The following LRRK1 variants were observed in gnomAD, a reference collection of about 807,000 sequenced individuals.
LRRK1 encodes the protein leucine rich repeat kinase 1, also known as leucine-rich repeat serine/threonine-protein kinase 1.
Under a neutral mutation model 209.1 loss-of-function variants are expected in LRRK1, and 113 were observed. The ratio of observed to expected loss-of-function variants is 0.54; its 90% confidence interval spans 0.46 to 0.63. The LOEUF is 0.63. Ranked by LOEUF, LRRK1 falls within the 30% of genes least tolerant of loss-of-function variation. The pLI is 0.00. For missense variants in LRRK1, 2,284 were observed against 2,632.2 expected, an observed-to-expected ratio of 0.87 and a Z score of 2.89; for synonymous variants, 1,144 against 1,099.7, an observed-to-expected ratio of 1.04 and a Z score of -0.80.
Position 100,941,444 on chromosome 15 carries a change from G to GTGCCTGTA in LRRK1, c.97+16716_97+16717insGCCTGTAT, listed in dbSNP as rs1567191149. On this transcript the variant is annotated intron_variant, in intron 2 of 33. Transcript: ENST00000388948. ...TGTGTGTGTCTGTGTGTGTGTGTGTGTCTGTGTGTGTCTATGTCTCTGTGT... is the reference window on the plus strand; with the variant it reads ...TGTGTGTGTCTGTGTGTGTGTGTGTGTGCCTGTATCTGTGTGTGTCTATGTCTCTGTGT... Among the ~76,000 whole-genome samples, 34 of 137,350 alleles carry GTGCCTGTA rather than the reference G, an allele frequency of 2.5e-4. 3 individuals are homozygous for GTGCCTGTA. Among genetic ancestry groups the GTGCCTGTA allele is most frequent in the African/African-American group, 9.3e-4 (31 of 33,356 alleles). 90.1% of individuals were successfully genotyped at this position (137,350 alleles called of 152,430 possible).
chr15:100,955,442 A>T (rs1412007268), intron 2 of LRRK1, among the ~76,000 whole-genome samples: 1 of 152,182 alleles, frequency 6.6e-6, no homozygotes, highest in Non-Finnish European at 1.5e-5. Flanking sequence ...TGTCATCTGC[A>T]AACAGAGACC....
chr15:100,988,658 T>G lies in LRRK1; in HGVS notation c.458T>G (p.Leu153Arg), dbSNP rs1400336345. The change falls in exon 5 of 34, where the codon CTG (leucine) becomes CGG (arginine). Residue 153 changes from leucine to arginine, a missense_variant. Around this residue, in one of 6 missense-constraint regions of LRRK1, gnomAD observed 134 missense variants for 191.7 expected, o/e 0.70. Coordinates refer to ENST00000388948, the MANE Select transcript of LRRK1 (RefSeq NM_024652.6). ...LPGPCSPQRL[L>R]NWMLALACQR... is the part of the protein sequence containing the mutation. The stretch of plus-strand genomic sequence containing the variant: ...GGTCCCTGCAGTCCCCAGCGGCTTC[T>G]GAACTGGATGCTGGCCTTGGCTTGC... 6.2e-7 allele frequency: 1 copy of G among 1,614,098 alleles called. No homozygotes were observed. Among genetic ancestry groups the G allele is most frequent in the Admixed American group, 1.7e-5 (1 of 60,006 alleles).
chr15:100,982,140 G>C (rs192327815), intron 3 of LRRK1, among the ~76,000 whole-genome samples: 1 of 151,916 alleles, frequency 6.6e-6, no homozygotes, highest in African/African-American at 2.4e-5. Flanking sequence ...GGGGGCACTC[G>C]CCATCCCTGT....
chr15:101,025,758 C>T (rs944724155), intron 16 of LRRK1, among the ~76,000 whole-genome samples: 9 of 152,194 alleles, frequency 5.9e-5, no homozygotes, highest in Admixed American at 2.6e-4. Flanking sequence ...CCCAACCTCC[C>T]GTCAGGCCTC....
At position 101,066,031 on chromosome 15, in the gene LRRK1, G is replaced by A; in HGVS notation, c.5594G>A (p.Ser1865Asn). The A allele has an allele frequency of 6.2e-7, 1 of 1,614,114 alleles. No individual in the cohort carries two copies. The highest frequency in any genetic ancestry group is 1.3e-5 in the African/African-American group (1 of 75,030). Residue 1865 changes from serine to asparagine, a missense_variant, in exon 32 of 34, where the codon AGT becomes AAT. Coordinates refer to ENST00000388948, the MANE Select transcript of LRRK1 (RefSeq NM_024652.6). Reference sequence around the variant, plus strand: ...TCAAGCCTCCCCAGCTCCCCAGCAAGTTCTTCCAGTGTGCCTTTCTCCACC... The same window carrying A: ...TCAAGCCTCCCCAGCTCCCCAGCAAATTCTTCCAGTGTGCCTTTCTCCACC... ...SPSSLPSSPA[S>N]SSSVPFSTDC...
rs183416806 is a variant in LRRK1, at chr15:101,017,719, A to T, written c.1609+2317A>T. Among the ~76,000 whole-genome samples, 192 of 152,286 alleles carry T rather than the reference A, an allele frequency of 1.3e-3. 2 individuals are homozygous for T. The highest frequency in any genetic ancestry group is 5.8e-3 in the South Asian group (28 of 4,820). On this transcript the variant is annotated intron_variant, in intron 12 of 33. Transcript: ENST00000388948. ...CCCTCACCAATGCTGCAGTCCATGGAAAAATTGTCTTCCACAAAACCGGTC... is the reference window on the plus strand; with the variant it reads ...CCCTCACCAATGCTGCAGTCCATGGTAAAATTGTCTTCCACAAAACCGGTC...
At chr15:100,958,086 C>T (rs2042801840) in intron 2 of LRRK1, among the ~76,000 whole-genome samples, 1 of 152,176 alleles carries the variant, frequency 6.6e-6, no homozygotes, top group Admixed American at 6.5e-5. Context: ...AAACTCCTGA[C>T]CGCAAGTGAT....
At chr15:101,001,213 TCAGGGCCCCGTCTGATGGTCTGAGTTCC>T (rs2032667629) in intron 6 of LRRK1, among the ~76,000 whole-genome samples, 1 of 152,128 alleles carries the variant, frequency 6.6e-6, no homozygotes, top group Non-Finnish European at 1.5e-5. Flanking sequence ...TCCCTGTCAC[TCAGGGCCCCGTCTGATGGTCTGAGTTCC>T]CAGAGTTCTC....
rs143933546 is a variant in LRRK1 at position 100,985,767 on chromosome 15, C to T, written c.433+2068C>T. On this transcript the variant is annotated intron_variant, in intron 4 of 33. Coordinates refer to ENST00000388948, the MANE Select transcript of LRRK1 (RefSeq NM_024652.6). ...AAAGCTGCTGAGGACTGAAGGATTTCAGACCATTGTGGTGGGCTTTGCAGA... is the reference window on the plus strand; with the variant it reads ...AAAGCTGCTGAGGACTGAAGGATTTTAGACCATTGTGGTGGGCTTTGCAGA... Among the ~76,000 whole-genome samples the T allele has an allele frequency of 7.9e-5, 12 of 152,354 alleles. No homozygotes were observed. In the East Asian group the frequency reaches 2.3e-3, roughly 29 times the overall value.
chr15:100,973,801 C>T lies in LRRK1; in HGVS notation c.98-3C>T. ...CCGTGTGTGTGTGCTTCCTCCCGCG[C>T]AGGTGCCGGGGACACGGGCGGCAAG... is the stretch of plus-strand genomic sequence containing the variant. On this transcript the variant is annotated splice_region_variant and splice_polypyrimidine_tract_variant and intron_variant, in intron 2 of 33. Coordinates refer to ENST00000388948, the MANE Select transcript of LRRK1 (RefSeq NM_024652.6). The T allele has an allele frequency of 7.8e-7, 1 of 1,283,094 alleles. No individual in the cohort carries two copies. The highest frequency in any genetic ancestry group is 9.9e-7 in the Non-Finnish European group (1 of 1,012,418). 79.5% of individuals were successfully genotyped at this position (1,283,094 alleles called of 1,614,324 possible).
rs1024642679 is a variant in LRRK1 at position 101,066,856 on chromosome 15, G to A, written c.5870+115G>A. 4 of 949,262 alleles carry A rather than the reference G, an allele frequency of 4.2e-6. No individual in the cohort carries two copies. In the Admixed American group the frequency reaches 6.3e-5, roughly 15 times the overall value. 58.8% of individuals were successfully genotyped at this position (949,262 alleles called of 1,614,324 possible). On this transcript the variant is annotated intron_variant, in intron 33 of 33. Coordinates refer to ENST00000388948, the MANE Select transcript of LRRK1 (RefSeq NM_024652.6). ...CCCTTCCATTCTCCCAAATAGCATA[G>A]CCACTAACGTGGCTGTAAGGCAAAG...
In LRRK1 at chr15:100,937,558, G is replaced by A. The variant is rs558154422; in HGVS notation, c.97+12829G>A. On this transcript the variant is annotated intron_variant, in intron 2 of 33. Transcript: ENST00000388948. ...TTATTTTATTTATTTATTTTGAGGC[G>A]GAGTCTCACTCTGTCCCCCAGGCTG... is the stretch of plus-strand genomic sequence containing the variant. 8.4e-4 allele frequency among the ~76,000 whole-genome samples: 121 copies of A among 143,914 alleles called. 1 individual carries two copies. The highest frequency in any genetic ancestry group is 2.7e-3 in the African/African-American group (101 of 36,966). 94.4% of individuals were successfully genotyped at this position (143,914 alleles called of 152,430 possible).
At chr15:101,015,002 A>T (rs2033460356) in intron 11 of LRRK1, among the ~76,000 whole-genome samples, 1 of 152,262 alleles carries the variant, frequency 6.6e-6, no homozygotes, top group African/African-American at 2.4e-5. Flanking sequence ...GGAATTGAAT[A>T]AAAGCACCCA....
At chr15:100,944,791 A>C (rs2042505054) in intron 2 of LRRK1, among the ~76,000 whole-genome samples, 1 of 152,228 alleles carries the variant, frequency 6.6e-6, no homozygotes, top group Non-Finnish European at 1.5e-5. Flanking sequence ...CAATATGTTA[A>C]AACTTTAGTT....
intron 11 of LRRK1, 82 bp from the exon 12 acceptor site, chr15:101,015,244 G>C (rs2033476359): frequency 9.2e-7 from 1 of 1,088,788 alleles, no homozygotes; most frequent in Non-Finnish European, 1.4e-6. Context: ...CTATCTCCGT[G>C]GCTTGGCATT....
At chr15:100,983,891 G>A (rs2031735173) in intron 4 of LRRK1, 192 bp downstream of exon 4, 1 of 752,440 alleles carries the variant, frequency 1.3e-6, no homozygotes, top group South Asian at 1.4e-5. Context: ...GAACTCATAA[G>A]GGAAATTCTC....
At chr15:101,006,704 G>A (rs961016386) in intron 6 of LRRK1, among the ~76,000 whole-genome samples, 5 of 152,138 alleles carry the variant, frequency 3.3e-5, no homozygotes, top group African/African-American at 1.2e-4. Context: ...ATAATTTACT[G>A]GCAAATGATT....
chr15:101,000,208 A>G (rs1469725450), intron 6 of LRRK1, among the ~76,000 whole-genome samples: 2 of 152,162 alleles, frequency 1.3e-5, no homozygotes, highest in Non-Finnish European at 2.9e-5. Context: ...CATTTACATC[A>G]TAGAGTCCTC....
At chr15:101,050,395 C>T (rs1309358425) in intron 23 of LRRK1, among the ~76,000 whole-genome samples, 2 of 152,162 alleles carry the variant, frequency 1.3e-5, no homozygotes, top group Non-Finnish European at 2.9e-5. Context: ...GAGACGACTC[C>T]CAGAGCAGCC....
Sources: allele counts gnomAD v4.1 joint callset (sites outside exome capture counted in the v4.1 genomes callset), GRCh38; gene constraint gnomAD v4.1.1; regional missense constraint gnomAD v4.1.1; transcripts MANE v1.5; gene names NCBI Gene and HGNC (gene_info 2026-07-23, HGNC 2026-07-21).